The following MYH13 variants were observed in gnomAD, a reference collection of about 807,000 sequenced individuals.
MYH13 encodes the protein myosin heavy chain 13, also known as myosin-13.
A neutral mutation model predicts 232.1 loss-of-function variants in MYH13; 177 were observed. The observed-to-expected ratio is 0.76, with a 90% CI of 0.67 to 0.86. The LOEUF (loss-of-function observed/expected upper bound fraction) is 0.86. Among genes scored for constraint, MYH13 ranks in the 40% least tolerant of loss-of-function variants. The pLI, the probability that MYH13 is intolerant of heterozygous loss-of-function variation, is 0.00. For synonymous variants in MYH13, 884 were observed against 923.5 expected (o/e 0.96, Z 0.78); for missense variants, 2,246 against 2,405.9 (o/e 0.93, Z 1.39).
intron 12 of MYH13, among the ~76,000 whole-genome samples, chr17:10,347,660 T>C (rs1475610145): frequency 6.6e-6 from 1 of 151,390 alleles, no homozygotes; most frequent in Non-Finnish European, 1.5e-5. Context: ...CCTGGGGGCC[T>C]GCATTGAGCT....
In MYH13 at chr17:10,354,836, G is replaced by T. The variant is rs896310322; in HGVS notation, c.902-53C>A. The T allele has an allele frequency of 6.3e-6, 10 of 1,580,734 alleles. No individual in the cohort carries two copies. The African/African-American group carries it at 1.1e-4, about 17-fold the overall frequency. Reference sequence around the variant, plus strand: ...GCTTATGCATAACTTACTCTGGGTTGTTTTTTTTTTCCCAACGTCACCGAT... The same window carrying T: ...GCTTATGCATAACTTACTCTGGGTTTTTTTTTTTTTCCCAACGTCACCGAT... On this transcript the variant is annotated intron_variant, in intron 10 of 40. Coordinates refer to ENST00000252172, the MANE Select transcript of MYH13 (RefSeq NM_003802.3).
At chr17:10,322,166 A>G (rs1001687057) in intron 23 of MYH13, among the ~76,000 whole-genome samples, 5 of 151,900 alleles carry the variant, frequency 3.3e-5, no homozygotes, top group Non-Finnish European at 5.9e-5. Flanking sequence ...GCCGAGGCGG[A>G]CGGATCATGA....
At chr17:10,358,488 G>A (rs534981256) in intron 7 of MYH13, among the ~76,000 whole-genome samples, 2 of 152,182 alleles carry the variant, frequency 1.3e-5, no homozygotes, top group South Asian at 4.2e-4. Flanking sequence ...TGCCAGGTAT[G>A]GTAGTTCACA....
chr17:10,369,794 T>A (rs117619081), intron 2 of MYH13, among the ~76,000 whole-genome samples: 1 of 152,364 alleles, frequency 6.6e-6, no homozygotes, highest in East Asian at 1.9e-4. Context: ...ATTCCTGCAA[T>A]GGTGCATCTA....
intron 37 of MYH13, among the ~76,000 whole-genome samples, chr17:10,303,880 A>G (rs1906189189): frequency 6.6e-6 from 1 of 152,256 alleles, no homozygotes; most frequent in African/African-American, 2.4e-5. Context: ...CCAAATGCCC[A>G]TAAATGATAG....
chr17:10,328,850 G>A (rs1907316691), intron 21 of MYH13, among the ~76,000 whole-genome samples: 1 of 151,782 alleles, frequency 6.6e-6, no homozygotes, highest in Non-Finnish European at 1.5e-5. Flanking sequence ...GCTAATTTTT[G>A]TATTTTTAGT....
At position 10,340,338 on chromosome 17, in the gene MYH13, G is replaced by A. The variant is rs2071611395; in HGVS notation, c.1958C>T (p.Ala653Val). The change falls in exon 17 of 41, where the codon GCC becomes GTC. Residue 653 changes from alanine (A) to valine (V), a missense_variant. Ala to Val is a moderately conservative substitution (Grantham distance 64). Transcript: ENST00000252172. ...TGCCAAAACACCAACCCTGAACACGGCCGACACGGTCTGGAAAGAGGAGCC... is the reference window on the plus strand; with the variant it reads ...TGCCAAAACACCAACCCTGAACACGACCGACACGGTCTGGAAAGAGGAGCC... ...KKGSSFQTVS[A>V]VFRENLNKLM... is the part of the protein sequence containing the mutation. 4 of 1,613,804 alleles carry A rather than the reference G, an allele frequency of 2.5e-6. No individual in the cohort carries two copies. The Admixed American group carries it at 5.0e-5, about 20-fold the overall frequency.
At chr17:10,325,863 G>C (rs1180275542) in intron 22 of MYH13, among the ~76,000 whole-genome samples, 3 of 152,158 alleles carry the variant, frequency 2.0e-5, no homozygotes, top group Admixed American at 2.0e-4. Flanking sequence ...TTTTAGAAGA[G>C]AGGGGGTTTC....
At chr17:10,362,040 G>A in intron 5 of MYH13, 78 bp downstream of exon 5, 1 of 1,610,636 alleles carries the variant, frequency 6.2e-7, no homozygotes, top group Non-Finnish European at 8.5e-7. Flanking sequence ...GCACCATTCA[G>A]ATGGCCAACG....
intron 2 of MYH13, among the ~76,000 whole-genome samples, chr17:10,365,840 GGTGTGTGTGTGTGTGTGTGT>G (rs150455118): frequency 3.6e-5 from 5 of 140,192 alleles, no homozygotes; most frequent in Admixed American, 1.4e-4. Flanking sequence ...CTTGCTGCAT[GGTGTGTGTGTGTGTGTGTGT>G]GTGTGTGTGT....
At chr17:10,320,569 T>G in intron 24 of MYH13, 73 bp from the exon 25 acceptor site, 3 of 1,519,704 alleles carry the variant, frequency 2.0e-6, no homozygotes, top group Non-Finnish European at 2.7e-6. Flanking sequence ...AGTGTAGCCA[T>G]ACACGTGGCC....
chr17:10,320,324 C>G, intron 25 of MYH13, 27 bp downstream of exon 25: 1 of 1,610,430 alleles, frequency 6.2e-7, no homozygotes, highest in African/African-American at 1.3e-5. Context: ...TAGGCTGAGA[C>G]ACAGAGGTGG....
Position 10,306,946 on chromosome 17 carries a change from A to T in MYH13, c.5288T>A (p.Ile1763Asn). ...AGGAAGAACAGAGCTCACATCCGTG[A>T]TGGCCTTCTTGGCCTTCTCCTCTGC... ...RNAEEKAKKA[I>N]TDAAMMAEEL... is the part of the protein sequence containing the mutation. The change falls in exon 36 of 41, where the codon ATC (isoleucine) becomes AAC (asparagine). Residue 1763 changes from isoleucine to asparagine, a missense_variant. Ile to Asn is a moderately radical substitution (Grantham distance 149). Coordinates refer to ENST00000252172, the MANE Select transcript of MYH13 (RefSeq NM_003802.3). The surrounding 1 kb of genome is among the most constrained non-coding windows in gnomAD (Gnocchi z 4.3). 1 of 1,613,654 alleles carries T rather than the reference A, an allele frequency of 6.2e-7. No individual in the cohort carries two copies. The highest frequency in any genetic ancestry group is 8.5e-7 in the Non-Finnish European group (1 of 1,179,936).
chr17:10,362,250 T>C lies in MYH13; in HGVS notation c.373A>G (p.Thr125Ala). ...GGCAGCCACTTGTAGGGGTTGACGG[T>C]GACACAGAAGAGGCCTGAGTAGGTC... ...IYTYSGLFCV[T>A]VNPYKWLPVY... The change falls in exon 5 of 41, where the codon ACC becomes GCC. Residue 125 changes from threonine (T) to alanine (A), a missense_variant. Physicochemically the swap from Thr to Ala is moderately conservative, Grantham distance 58. Coordinates refer to ENST00000252172, the MANE Select transcript of MYH13 (RefSeq NM_003802.3). 6.2e-7 allele frequency: 1 copy of C among 1,613,614 alleles called. No homozygotes were observed. The highest frequency in any genetic ancestry group is 8.5e-7 in the Non-Finnish European group (1 of 1,179,624).
chr17:10,330,292 C>G (rs1406167649), intron 21 of MYH13, 95 bp downstream of exon 21: 1 of 1,511,616 alleles, frequency 6.6e-7, no homozygotes, highest in East Asian at 2.4e-5. Flanking sequence ...GGAAAGAGAG[C>G]AAGCACATGG....
rs1451703859 is a variant in MYH13, at chr17:10,340,413, C to T, written c.1895-12G>A. 2 of 1,607,388 alleles carry T rather than the reference C, an allele frequency of 1.2e-6. No individual in the cohort carries two copies. The highest frequency in any genetic ancestry group is 1.7e-6 in the Non-Finnish European group (2 of 1,175,976). On this transcript the variant is annotated splice_polypyrimidine_tract_variant and intron_variant, in intron 16 of 40. Coordinates refer to ENST00000252172, the MANE Select transcript of MYH13 (RefSeq NM_003802.3). ...TCCTCCGGAGTCGCCTGGAGACAGACACAGAAGAGCGTGTTAGATGCATCC... is the reference window on the plus strand; with the variant it reads ...TCCTCCGGAGTCGCCTGGAGACAGATACAGAAGAGCGTGTTAGATGCATCC...
chr17:10,307,957 T>C (rs981906359), intron 35 of MYH13, among the ~76,000 whole-genome samples: 3 of 152,166 alleles, frequency 2.0e-5, no homozygotes, highest in African/African-American at 4.8e-5. Flanking sequence ...AGAAGACTGA[T>C]TAAATGAAAG....
Position 10,312,045 on chromosome 17 carries a change from T to C in MYH13, c.4397A>G (p.Glu1466Gly), listed in dbSNP as rs767032047. ...VLAEWKQKLD[E>G]SQAELEAAQK... is the part of the protein sequence containing the mutation. Reference sequence around the variant, plus strand: ...AGCAGCTTCCAACTCAGCCTGGCTTTCGTCCAGCTTTTGCTTCCACTCTGC... The same window carrying C: ...AGCAGCTTCCAACTCAGCCTGGCTTCCGTCCAGCTTTTGCTTCCACTCTGC... The change falls in exon 32 of 41, where the codon GAA becomes GGA. Residue 1466 changes from glutamate (E) to glycine (G), a missense_variant. By Grantham distance (98) the Glu-to-Gly change is moderately conservative. Transcript: ENST00000252172. 2.2e-5 allele frequency: 36 copies of C among 1,613,822 alleles called. No homozygotes were observed. Among genetic ancestry groups the C allele is most frequent in the Non-Finnish European group, 2.8e-5 (33 of 1,179,906 alleles).
Position 10,322,673 on chromosome 17 carries a change from G to T in MYH13, c.2935-965C>A, listed in dbSNP as rs192935256. ...TTTTGAGAGGGAGTCTCACTCTGTCGCCCAGGCTGGAGTGCAGTGGCGCAG... is the reference window on the plus strand; with the variant it reads ...TTTTGAGAGGGAGTCTCACTCTGTCTCCCAGGCTGGAGTGCAGTGGCGCAG... On this transcript the variant is annotated intron_variant, in intron 23 of 40. Coordinates refer to ENST00000252172, the MANE Select transcript of MYH13 (RefSeq NM_003802.3). Among the ~76,000 whole-genome samples, 25 of 123,908 alleles carry T rather than the reference G, an allele frequency of 2.0e-4. No homozygotes were observed. The East Asian group carries it at 4.6e-3, about 23-fold the overall frequency. The allele number at this position is 123,908 out of a possible 152,430, so 81.3% of individuals were successfully genotyped here. A position where few individuals can be genotyped will look rare whatever the true frequency, so the allele number is the denominator to read the frequency against.
Sources: gnomAD v4.1 joint callset for allele counts (sites outside exome capture counted in the v4.1 genomes callset) on GRCh38, gnomAD v4.1.1 for gene constraint, Gnocchi (gnomAD v3.1) non-coding constraint, MANE v1.5 for transcripts, NCBI Gene and HGNC (gene_info 2026-07-23, HGNC 2026-07-21) for gene names.